COL22A1: variants seen among roughly 807,000 people sequenced by gnomAD.
COL22A1 encodes collagen type XXII alpha 1 chain.
In COL22A1, 221 loss-of-function variants were observed where a neutral mutation model predicts 248.9. The observed-to-expected ratio is 0.89, with a 90% CI of 0.80 to 0.99. COL22A1 has a LOEUF of 0.99. COL22A1 is among the 50% of genes least tolerant of loss of function. The pLI is 0.00. For synonymous variants in COL22A1, 891 were observed against 793.4 expected (o/e 1.12, Z -2.07); for missense variants, 2,240 against 2,179.0 (o/e 1.03, Z -0.56).
intron 47 of COL22A1, among the ~76,000 whole-genome samples, chr8:138,638,781 G>T (rs1259815079): frequency 6.6e-6 from 1 of 152,206 alleles, no homozygotes; most frequent in African/African-American, 2.4e-5. Context: ...TTAGCCCACT[G>T]CTTCCTTAAC....
chr8:138,848,172 T>G (rs1467373519), intron 3 of COL22A1, among the ~76,000 whole-genome samples: 1 of 152,176 alleles, frequency 6.6e-6, no homozygotes, highest in Non-Finnish European at 1.5e-5. Flanking sequence ...CACTGGTTGA[T>G]TTTCCTTTTT....
intron 54 of COL22A1, 25 bp from the exon 55 acceptor site, chr8:138,616,079 A>G (rs1819294913): frequency 1.9e-6 from 3 of 1,597,658 alleles, no homozygotes; most frequent in Non-Finnish European, 1.7e-6. Flanking sequence ...GCCTGCTATT[A>G]GGGAAGGAGA....
At chr8:138,849,497 T>C (rs1821477517) in intron 3 of COL22A1, among the ~76,000 whole-genome samples, 1 of 152,184 alleles carries the variant, frequency 6.6e-6, no homozygotes, top group South Asian at 2.1e-4. Flanking sequence ...AGCTTGCAGG[T>C]GGCAACGTCA....
rs76281423 is a variant in COL22A1, at chr8:138,702,425, A to G, written c.2559+881T>C. Among the ~76,000 whole-genome samples, 1,027 of 152,270 alleles carry G rather than the reference A, an allele frequency of 6.7e-3. 11 individuals carry two copies. The highest frequency in any genetic ancestry group is 0.024 in the African/African-American group (982 of 41,556). ...AAAGCACAGAGTAAGATTCTTTGCC[A>G]CACTACAAATGGGATTTCTGAGTGC... On this transcript the variant is annotated intron_variant, in intron 31 of 64. Transcript: ENST00000303045.
intron 31 of COL22A1, 142 bp downstream of exon 31, chr8:138,703,164 T>C: frequency 1.4e-6 from 1 of 700,394 alleles, no homozygotes; most frequent in Non-Finnish European, 2.5e-6. Context: ...TTTTGGTTTG[T>C]AGGACCTAGG....
intron 44 of COL22A1, among the ~76,000 whole-genome samples, chr8:138,656,305 C>T (rs960345858): frequency 1.3e-5 from 2 of 152,196 alleles, no homozygotes; most frequent in Admixed American, 6.5e-5. Context: ...AAACTGTTTG[C>T]AATCTGGATT....
intron 38 of COL22A1, among the ~76,000 whole-genome samples, chr8:138,684,904 G>A (rs542467644): frequency 3.3e-5 from 5 of 152,240 alleles, no homozygotes; most frequent in South Asian, 2.1e-4. Context: ...CCTTCTTTAC[G>A]CATACCACAC....
At chr8:138,608,090 A>G in intron 56 of COL22A1, 101 bp from the exon 57 acceptor site, 4 of 1,017,424 alleles carry the variant, frequency 3.9e-6, no homozygotes, top group Non-Finnish European at 5.9e-6. Flanking sequence ...TTTACACAGA[A>G]TCTGTTACTC....
intron 10 of COL22A1, among the ~76,000 whole-genome samples, chr8:138,806,085 T>TGTG: frequency 3.0e-3 from 14 of 4,736 alleles, no homozygotes; most frequent in African/African-American, 5.7e-3. Flanking sequence ...ATGGTGTGTG[T>TGTG]AATGGTGTGT....
chr8:138,663,641 C>T (rs1166424222), intron 42 of COL22A1, 64 bp downstream of exon 42: 3 of 1,296,598 alleles, frequency 2.3e-6, no homozygotes, highest in Non-Finnish European at 3.4e-6. Context: ...CCATTTAAAA[C>T]TGCTTTGATT....
At chr8:138,773,908 C>T (rs201364487) in intron 16 of COL22A1, among the ~76,000 whole-genome samples, 5 of 152,190 alleles carry the variant, frequency 3.3e-5, no homozygotes, top group East Asian at 1.9e-4. Flanking sequence ...AGCCCTGCTG[C>T]GGGGCAGTTC....
chr8:138,618,791 A>C (rs1819530436), intron 53 of COL22A1, among the ~76,000 whole-genome samples: 1 of 152,212 alleles, frequency 6.6e-6, no homozygotes, highest in Non-Finnish European at 1.5e-5. Flanking sequence ...ACAATTTTGA[A>C]ATTATGAAGA....
chr8:138,820,949 G>A (rs1203952718), intron 7 of COL22A1, among the ~76,000 whole-genome samples, 187 bp downstream of exon 7: 4 of 152,332 alleles, frequency 2.6e-5, no homozygotes, highest in Admixed American at 2.6e-4. Context: ...GTTAATACAT[G>A]GGTGATGGTG....
At chr8:138,681,224 A>T (rs1825937108) in intron 39 of COL22A1, among the ~76,000 whole-genome samples, 1 of 152,160 alleles carries the variant, frequency 6.6e-6, no homozygotes, top group African/African-American at 2.4e-5. Context: ...TGAGCAGGTA[A>T]CTGTGACCGG....
At chr8:138,705,582 G>A (rs1030320080) in intron 30 of COL22A1, among the ~76,000 whole-genome samples, 2 of 152,192 alleles carry the variant, frequency 1.3e-5, no homozygotes, top group Non-Finnish European at 2.9e-5. Flanking sequence ...AGCAAATGCT[G>A]AGAGATTTTG....
chr8:138,593,576 C>T (rs1021219134), intron 63 of COL22A1, among the ~76,000 whole-genome samples: 7 of 152,266 alleles, frequency 4.6e-5, no homozygotes, highest in Middle Eastern at 3.4e-3. Context: ...GAGAGACCTT[C>T]TGTTGGCTGG....
chr8:138,699,732 C>T (rs958838129), intron 32 of COL22A1, among the ~76,000 whole-genome samples: 1 of 152,216 alleles, frequency 6.6e-6, no homozygotes, highest in South Asian at 2.1e-4. Flanking sequence ...CCTTCACTGC[C>T]AGCATCCATG....
chr8:138,632,631 C>T (rs1820821144), intron 49 of COL22A1, among the ~76,000 whole-genome samples: 1 of 152,166 alleles, frequency 6.6e-6, no homozygotes, highest in Non-Finnish European at 1.5e-5. Context: ...AAAATGACTA[C>T]ATCATGGTCT....
At chr8:138,773,444 G>A (rs944078634) in intron 16 of COL22A1, among the ~76,000 whole-genome samples, 2 of 149,570 alleles carry the variant, frequency 1.3e-5, no homozygotes, top group Non-Finnish European at 2.9e-5. Context: ...CCTTTGGAGT[G>A]GGGGGTCCCA....
Sources: gnomAD v4.1 joint callset for allele counts (sites outside exome capture counted in the v4.1 genomes callset) on GRCh38, gnomAD v4.1.1 for gene constraint, MANE v1.5 for transcripts, NCBI Gene and HGNC (gene_info 2026-07-23, HGNC 2026-07-21) for gene names.